The following TUSC3 variants were observed in gnomAD, a reference collection of about 807,000 sequenced individuals.
TUSC3 encodes tumor suppressor candidate 3.
A neutral mutation model predicts 44.8 loss-of-function variants in TUSC3; 45 were observed. The ratio of observed to expected loss-of-function variants is 1.00; its 90% CI spans 0.79 to 1.29. The LOEUF is 1.29. Ranked by LOEUF, TUSC3 falls within the 50% of genes most tolerant of loss-of-function variation. TUSC3 has a pLI of 0.00. For synonymous variants in TUSC3, 212 were observed against 152.9 expected, an observed-to-expected ratio of 1.39 and a Z score of -2.85; for missense variants, 519 against 437.9, an observed-to-expected ratio of 1.19 and a Z score of -1.65.
intron 1 of TUSC3, among the ~76,000 whole-genome samples, chr8:15,456,457 G>T (rs1800257885): frequency 6.6e-6 from 1 of 152,128 alleles, no homozygotes; most frequent in African/African-American, 2.4e-5. Flanking sequence ...TAATAGCCAA[G>T]ACACTATGGA....
intron 2 of TUSC3, among the ~76,000 whole-genome samples, chr8:15,510,890 CAT>C (rs1344769427): frequency 3.3e-5 from 5 of 152,260 alleles, no homozygotes; most frequent in South Asian, 2.1e-4. Context: ...GCAGAGGGCT[CAT>C]GTGTAGAATG....
chr8:15,621,163 AT>A lies in TUSC3; in HGVS notation c.139-1916del, dbSNP rs1057427571. On this transcript the variant is annotated intron_variant, in intron 1 of 10. Transcript: ENST00000503731. ...GTCACAGTCTCTAAATACTTAAAAAATAAATATTTATATAGTTTTTATCTTA... is the reference window on the plus strand; with the variant it reads ...GTCACAGTCTCTAAATACTTAAAAAAAAATATTTATATAGTTTTTATCTTA... Among the ~76,000 whole-genome samples the A allele has an allele frequency of 4.9e-4, 74 of 152,054 alleles. 1 individual carries two copies. Among genetic ancestry groups the A allele is most frequent in the Middle Eastern group, 3.4e-3 (1 of 294 alleles).
chr8:15,793,654 C>G, the TUSC3 span, among the ~76,000 whole-genome samples: 1 of 152,168 alleles, frequency 6.6e-6, no homozygotes. Flanking sequence ...ATAGTCTGTG[C>G]TCCTACACCC....
the TUSC3 span, among the ~76,000 whole-genome samples, chr8:15,819,796 G>A: frequency 6.6e-6 from 1 of 152,188 alleles, no homozygotes; most frequent in Admixed American, 6.5e-5. Flanking sequence ...AACTCACAAT[G>A]TGGGCATTCT....
intron 10 of TUSC3, chr8:15,758,126 C>A: frequency 8.5e-7 from 1 of 1,172,150 alleles, no homozygotes; most frequent in Non-Finnish European, 1.1e-6. Context: ...AATATACTTT[C>A]TTAACTTCTG....
chr8:15,742,938 G>C (rs975626516), intron 7 of TUSC3, among the ~76,000 whole-genome samples: 9 of 152,190 alleles, frequency 5.9e-5, no homozygotes, highest in Non-Finnish European at 1.2e-4. Flanking sequence ...TTAAAAACAA[G>C]TAATTTTGTG....
At chr8:15,418,092 T>C (rs1245230780) in intron 1 of TUSC3, among the ~76,000 whole-genome samples, 2 of 152,206 alleles carry the variant, frequency 1.3e-5, no homozygotes, top group African/African-American at 4.8e-5. Context: ...ACTACTATTT[T>C]ATGTCAAGGA....
intron 6 of TUSC3, among the ~76,000 whole-genome samples, chr8:15,678,623 G>A (rs1000339726): frequency 6.6e-6 from 1 of 152,110 alleles, no homozygotes; most frequent in African/African-American, 2.4e-5. Flanking sequence ...AGGAAATTTT[G>A]TCTTTATTTC....
rs7820648 is a variant in TUSC3 at position 15,748,673 on chromosome 8, G to A, written c.1028+208G>A. The A allele has an allele frequency of 0.52, 373,631 of 712,320 alleles. 100,072 individuals carry two copies. Among genetic ancestry groups the A allele is most frequent in the East Asian group, 0.67 (24,480 of 36,508 alleles). The allele number at this position is 712,320 out of a possible 1,614,324, so 44.1% of individuals were successfully genotyped here. On this transcript the variant is annotated intron_variant, in intron 9 of 10. Transcript: ENST00000503731. ...CATGGTTCTTGTTCCCTGACAGCAT[G>A]TAGTTTCTTTCTAGACATACATATT...
chr8:15,469,900 C>T lies in TUSC3; in HGVS notation n.92-13486C>T, dbSNP rs117786868. ...TGAAAGAAGCCAGTCTGAAAAGACT[C>T]TACACTATATGATTCCAACTATATG... is the stretch of plus-strand genomic sequence containing the variant. On this transcript the variant is annotated intron_variant and non_coding_transcript_variant, in intron 1 of 5. Coordinates refer to the TUSC3 transcript ENST00000503191. Among the ~76,000 whole-genome samples the T allele has an allele frequency of 2.9e-3, 443 of 152,218 alleles. 3 individuals carry two copies. Among genetic ancestry groups the T allele is most frequent in the Middle Eastern group, 0.01 (3 of 294 alleles).
At chr8:15,601,831 T>C (rs190844907) in intron 1 of TUSC3, among the ~76,000 whole-genome samples, 105 of 151,828 alleles carry the variant, frequency 6.9e-4, no homozygotes, top group Admixed American at 1.2e-3. Flanking sequence ...TGTGGCTTGC[T>C]TTCTACCAGT....
intron 1 of TUSC3, among the ~76,000 whole-genome samples, chr8:15,573,167 T>TCCC (rs71211060): frequency 1.4e-4 from 14 of 99,752 alleles, no homozygotes; most frequent in African/African-American, 4.9e-4. Context: ...GTTCTCTCTC[T>TCCC]TTCTCTCTCT....
intron 1 of TUSC3, among the ~76,000 whole-genome samples, chr8:15,621,510 T>C (rs1805243051): frequency 7.2e-6 from 1 of 138,806 alleles, no homozygotes; most frequent in East Asian, 2.0e-4. Context: ...TACACATAAA[T>C]ATATGTAAAA....
At chr8:15,482,564 T>C (rs915613280) in intron 1 of TUSC3, among the ~76,000 whole-genome samples, 1 of 152,200 alleles carries the variant, frequency 6.6e-6, no homozygotes, top group Non-Finnish European at 1.5e-5. Context: ...CTCAATCATA[T>C]AAAAGCTCTG....
intron 6 of TUSC3, among the ~76,000 whole-genome samples, chr8:15,674,152 A>G (rs994367249): frequency 1.2e-4 from 18 of 152,026 alleles, no homozygotes; most frequent in Non-Finnish European, 2.6e-4. Context: ...ACTAGAGGAA[A>G]TCGGAATAGT....
chr8:15,823,275 T>C, the TUSC3 span, among the ~76,000 whole-genome samples: 1 of 152,162 alleles, frequency 6.6e-6, no homozygotes, highest in Non-Finnish European at 1.5e-5. Context: ...ACTTTTCTGG[T>C]GAAGTCCAAA....
At chr8:15,477,249 G>A (rs1800588442) in intron 1 of TUSC3, among the ~76,000 whole-genome samples, 1 of 152,118 alleles carries the variant, frequency 6.6e-6, no homozygotes, top group African/African-American at 2.4e-5. Flanking sequence ...AGTTGTCTAT[G>A]AGGTTAAATG....
chr8:15,797,045 C>T, the TUSC3 span, among the ~76,000 whole-genome samples: 58 of 152,326 alleles, frequency 3.8e-4, no homozygotes, highest in African/African-American at 6.5e-4. Context: ...CTAACTGCAT[C>T]GTCTGTCTCA....
At chr8:15,527,333 C>T (rs962145763) in intron 2 of TUSC3, among the ~76,000 whole-genome samples, 3 of 152,124 alleles carry the variant, frequency 2.0e-5, no homozygotes, top group Non-Finnish European at 4.4e-5. Flanking sequence ...TCTTCTTCCT[C>T]CACCTCCCTA....
Sources: allele counts gnomAD v4.1 joint callset (sites outside exome capture counted in the v4.1 genomes callset), GRCh38; gene constraint gnomAD v4.1.1; transcripts MANE v1.5; gene names NCBI Gene and HGNC (gene_info 2026-07-23, HGNC 2026-07-21).